Variants in AXIN1 observed in about 807,000 individuals in gnomAD.
AXIN1 encodes the protein axin-1.
Under a neutral mutation model 76.4 loss-of-function variants are expected in AXIN1, and 30 were observed. The ratio of observed to expected loss-of-function variants is 0.39; its 90% CI spans 0.29 to 0.53. The LOEUF (loss-of-function observed/expected upper bound fraction) is 0.53. Ranked by LOEUF, AXIN1 falls within the 20% of genes least tolerant of loss-of-function variation. The probability of loss-of-function intolerance (pLI) is 0.66; values close to 1 mark genes in which losing one functional copy is unlikely to be tolerated. For synonymous variants in AXIN1, 545 were observed against 501.4 expected (o/e 1.09, Z -1.16); for missense variants, 1,140 against 1,198.8 (o/e 0.95, Z 0.72).
At chr16:300,628 G>A (rs1383782473) in intron 5 of AXIN1, among the ~76,000 whole-genome samples, 5 of 152,228 alleles carry the variant, frequency 3.3e-5, no homozygotes, top group Admixed American at 6.5e-5. Context: ...GCGGGCACCT[G>A]CACTGGGGCT....
Position 347,126 on chromosome 16 carries a change from G to A in AXIN1, c.-81-20C>T. On this transcript the variant is annotated intron_variant, in intron 1 of 10. Coordinates refer to ENST00000262320, the MANE Select transcript of AXIN1 (RefSeq NM_003502.4). ...TCTGTCCTGTTGAAACCATTAAGAG[G>A]ACAAGGATTAGGAAAGGTGGGTCCA... 3 of 1,600,270 alleles carry A rather than the reference G, an allele frequency of 1.9e-6. No homozygotes were observed. Among genetic ancestry groups the A allele is most frequent in the African/African-American group, 1.3e-5 (1 of 74,972 alleles).
At chr16:347,217 G>GC in intron 1 of AXIN1, 111 bp from the exon 2 acceptor site, 1 of 942,354 alleles carries the variant, frequency 1.1e-6, no homozygotes, top group East Asian at 2.6e-5. Context: ...CAAACTCAAA[G>GC]CAAGAAACTC....
At chr16:315,655 G>A (rs1013057201) in intron 2 of AXIN1, among the ~76,000 whole-genome samples, 4 of 151,994 alleles carry the variant, frequency 2.6e-5, no homozygotes, top group East Asian at 1.9e-4. Flanking sequence ...GTGAAACCCC[G>A]TCTCTACTAA....
intron 4 of AXIN1, among the ~76,000 whole-genome samples, chr16:308,445 C>T (rs1473961604): frequency 6.6e-6 from 1 of 152,218 alleles, no homozygotes; most frequent in Admixed American, 6.5e-5. Context: ...AAGACTCTGA[C>T]CAGCACCCCA....
chr16:309,573 T>C (rs1597032598), intron 4 of AXIN1, among the ~76,000 whole-genome samples: 1 of 152,142 alleles, frequency 6.6e-6, no homozygotes, highest in East Asian at 1.9e-4. Flanking sequence ...AGACGACCAC[T>C]GTTCAGCCAC....
chr16:336,200 A>C (rs983359878), intron 2 of AXIN1, among the ~76,000 whole-genome samples: 1 of 152,102 alleles, frequency 6.6e-6, no homozygotes, highest in Admixed American at 6.6e-5. Flanking sequence ...GTGCCATTGC[A>C]CTCCAGCCTG....
Position 346,708 on chromosome 16 carries a change from C to G in AXIN1, c.318G>C (p.Leu106=), listed in dbSNP as rs748215366. The part of the protein sequence containing the change: ...QDGISLFRTF[L]KQEGCADLLD... The stretch of plus-strand genomic sequence containing the variant: ...GCAAGTCGGCACAGCCCTCCTGCTT[C>G]AGGAAAGTCCTGAACAGGCTTATCC... The change falls in exon 2 of 11, where the codon CTG becomes CTC. Residue 106 remains leucine, a synonymous_variant. Coordinates refer to ENST00000262320, the MANE Select transcript of AXIN1 (RefSeq NM_003502.4). 2.5e-6 allele frequency: 4 copies of G among 1,574,164 alleles called. No individual in the cohort carries two copies. In the South Asian group the frequency reaches 4.7e-5, roughly 19 times the overall value.
At chr16:332,715 G>T (rs569337240) in intron 2 of AXIN1, among the ~76,000 whole-genome samples, 1 of 145,568 alleles carries the variant, frequency 6.9e-6, no homozygotes, top group Non-Finnish European at 1.5e-5. Flanking sequence ...AGAAAGCAAG[G>T]GCAGGAAAAA....
At chr16:335,406 C>T (rs950205902) in intron 2 of AXIN1, among the ~76,000 whole-genome samples, 20 of 152,128 alleles carry the variant, frequency 1.3e-4, no homozygotes, top group African/African-American at 2.4e-4. Flanking sequence ...TATCATGGCA[C>T]GCTAATTACA....
intron 2 of AXIN1, among the ~76,000 whole-genome samples, chr16:326,539 G>C (rs1426973514): frequency 6.6e-6 from 1 of 151,062 alleles, no homozygotes; most frequent in Non-Finnish European, 1.5e-5. Context: ...ATGAGATCAA[G>C]AGATTGAGAC....
At chr16:298,664 C>T (rs1481312074) in intron 5 of AXIN1, among the ~76,000 whole-genome samples, 1 of 152,170 alleles carries the variant, frequency 6.6e-6, no homozygotes, top group African/African-American at 2.4e-5. Flanking sequence ...TGTGCCACCA[C>T]GCCCAGCTAA....
chr16:288,444 C>T (rs1567255159), intron 10 of AXIN1, 196 bp from the exon 11 acceptor site: 1 of 790,132 alleles, frequency 1.3e-6, no homozygotes, highest in Non-Finnish European at 2.0e-6. Context: ...AGTGGGCAGC[C>T]ATGGGGGGTG....
chr16:350,379 G>T (rs1434805172), intron 1 of AXIN1, among the ~76,000 whole-genome samples: 3 of 152,192 alleles, frequency 2.0e-5, no homozygotes, highest in Admixed American at 2.0e-4. Context: ...CACTGAATCT[G>T]GCCCACAGCC....
chr16:318,686 T>G (rs2053361740), intron 2 of AXIN1, among the ~76,000 whole-genome samples: 1 of 152,204 alleles, frequency 6.6e-6, no homozygotes, highest in African/African-American at 2.4e-5. Context: ...CGCCTATGGA[T>G]GCGTGCTTTG....
At chr16:304,274 C>T (rs771255563) in intron 5 of AXIN1, 30 bp downstream of exon 5, 29 of 1,603,434 alleles carry the variant, frequency 1.8e-5, no homozygotes, top group East Asian at 2.2e-5. Flanking sequence ...GACACCGACG[C>T]GGAGCGCGAC....
chr16:346,239 G>C lies in AXIN1; in HGVS notation c.787C>G (p.Pro263Ala). 1 of 1,614,054 alleles carries C rather than the reference G, an allele frequency of 6.2e-7. No homozygotes were observed. The highest frequency in any genetic ancestry group is 8.5e-7 in the Non-Finnish European group (1 of 1,180,030). ...MDEDDGRDAA[P>A]PGRLPQKLLL... is the part of the protein sequence containing the mutation. ...AGCTTCTGAGGGAGTCTTCCGGGGG[G>C]AGCAGCGTCTCTGCCATCGTCCTCA... Residue 263 changes from proline (P) to alanine (A), a missense_variant, in exon 2 of 11, where the codon CCC (proline) becomes GCC (alanine). Physicochemically the swap from Pro to Ala is conservative, Grantham distance 27. This residue lies in a region of AXIN1 where 708 missense variants were observed against 776.9 expected (regional missense o/e 0.91). Transcript: ENST00000262320.
intron 2 of AXIN1, among the ~76,000 whole-genome samples, chr16:336,983 A>T (rs940226679): frequency 6.6e-6 from 1 of 151,520 alleles, no homozygotes; most frequent in African/African-American, 2.4e-5. Flanking sequence ...CCCCGTCTCT[A>T]CTAAAAACAC....
chr16:324,259 C>T (rs976053604), intron 2 of AXIN1, among the ~76,000 whole-genome samples: 8 of 143,654 alleles, frequency 5.6e-5, no homozygotes, highest in African/African-American at 8.4e-5. Context: ...TGCTCAAGGA[C>T]GCCGATGCCA....
rs1479950997 is a variant in AXIN1, at chr16:293,509, C to T, written c.2165G>A (p.Ser722Asn). The T allele has an allele frequency of 2.5e-6, 4 of 1,609,838 alleles. No individual in the cohort carries two copies. The highest frequency in any genetic ancestry group is 3.4e-6 in the Non-Finnish European group (4 of 1,179,960). ...RRLEEEEKRA[S>N]RAPSKQRYVQ... ...GTACCTCTGCTTGGAGGGTGCTCGG[C>T]TGGCTCTCTTTTCTTCCTCCTCCAG... Residue 722 changes from serine to asparagine, a missense_variant, in exon 8 of 11, where the codon AGC (serine) becomes AAC (asparagine). Ser to Asn is a conservative substitution (Grantham distance 46, BLOSUM62 1). Around this residue, in one of 3 missense-constraint regions of AXIN1, gnomAD observed 429 missense variants for 405.8 expected, o/e 1.06. Transcript: ENST00000262320. The surrounding 1 kb of genome is among the most constrained non-coding windows in gnomAD (Gnocchi z 4.6).
Sources: gnomAD v4.1 joint callset for allele counts (sites outside exome capture counted in the v4.1 genomes callset) on GRCh38, gnomAD v4.1.1 for gene constraint, gnomAD v4.1.1 regional missense constraint, Gnocchi (gnomAD v3.1) non-coding constraint, MANE v1.5 for transcripts, NCBI Gene and HGNC (gene_info 2026-07-23, HGNC 2026-07-21) for gene names.